The following GSN variants were observed in gnomAD, a reference collection of about 807,000 sequenced individuals.
The protein encoded by GSN is gelsolin, also known as actin-depolymerizing factor.
A neutral mutation model predicts 85.7 loss-of-function variants in GSN; 56 were observed. The ratio of observed to expected loss-of-function variants is 0.65; its 90% CI spans 0.53 to 0.82. GSN has a LOEUF of 0.82. GSN is among the 40% of genes least tolerant of loss of function. The probability of loss-of-function intolerance (pLI) is 0.00; values close to 1 mark genes in which losing one functional copy is unlikely to be tolerated. For missense variants in GSN, 857 were observed against 979.8 expected (o/e 0.87, Z 1.67); for synonymous variants, 373 against 399.1 (o/e 0.93, Z 0.78).
chr9:121,318,287 A>G lies in GSN; in HGVS notation c.887-119A>G. 2.3e-6 allele frequency: 2 copies of G among 861,468 alleles called. No homozygotes were observed. The highest frequency in any genetic ancestry group is 4.0e-6 in the Non-Finnish European group (2 of 500,224). 53.4% of individuals were successfully genotyped at this position (861,468 alleles called of 1,614,324 possible). Reference sequence around the variant, plus strand: ...TGGGGGTCTCTGGCCTTGGCTGTCCACAGTCTAAGAAGAGTAGGGAGGGAA... The same window carrying G: ...TGGGGGTCTCTGGCCTTGGCTGTCCGCAGTCTAAGAAGAGTAGGGAGGGAA... On this transcript the variant is annotated intron_variant, in intron 8 of 17. Coordinates refer to ENST00000432226, the MANE Select transcript of GSN (RefSeq NM_198252.3). This position sits in a 1 kb window ranked among gnomAD's most constrained non-coding sequence, Gnocchi z 4.3.
intron 1 of GSN, among the ~76,000 whole-genome samples, chr9:121,272,438 C>T (rs937967747): frequency 5.3e-5 from 8 of 151,918 alleles, no homozygotes; most frequent in African/African-American, 1.9e-4. Context: ...AGCATAATGT[C>T]AGCCTTCCCA....
At position 121,228,845 on chromosome 9, in the gene GSN, G is replaced by A. The variant is rs573793727; in HGVS notation, c.-527-2320G>A. Among the ~76,000 whole-genome samples the A allele has an allele frequency of 3.4e-4, 52 of 152,230 alleles. No individual in the cohort carries two copies. The South Asian group carries it at 8.9e-3, about 26-fold the overall frequency. On this transcript the variant is annotated intron_variant, in intron 4 of 24. Transcript: ENST00000373823. ...TTTTTAAATCTCTGTGTGCATGTATGTACACACAGACACACATGCACACAT... is the reference window on the plus strand; with the variant it reads ...TTTTTAAATCTCTGTGTGCATGTATATACACACAGACACACATGCACACAT...
chr9:121,305,356 T>C (rs149458475), intron 4 of GSN, among the ~76,000 whole-genome samples: 1 of 152,338 alleles, frequency 6.6e-6, no homozygotes, highest in East Asian at 1.9e-4. Context: ...ATTGAACACT[T>C]ATCTATTACT....
intron 2 of GSN, among the ~76,000 whole-genome samples, chr9:121,292,402 A>C (rs890282252): frequency 6.6e-6 from 1 of 152,210 alleles, no homozygotes; most frequent in Non-Finnish European, 1.5e-5. Context: ...GTATGCAAAG[A>C]CACAGAGGTA....
At chr9:121,211,817 C>T (rs1008398153) in intron 4 of GSN, among the ~76,000 whole-genome samples, 4 of 152,046 alleles carry the variant, frequency 2.6e-5, no homozygotes, top group African/African-American at 9.7e-5. Flanking sequence ...ACCTCCCCAC[C>T]AAAAGAAAAA....
chr9:121,296,740 G>T (rs1442249502), intron 2 of GSN, among the ~76,000 whole-genome samples: 2 of 152,124 alleles, frequency 1.3e-5, no homozygotes, highest in East Asian at 3.9e-4. Flanking sequence ...CTTCTTCCAG[G>T]CTGGAAGCAG....
intron 4 of GSN, among the ~76,000 whole-genome samples, chr9:121,306,903 G>A (rs775671602): frequency 2.0e-5 from 3 of 152,202 alleles, no homozygotes; most frequent in South Asian, 2.1e-4. Context: ...TTATAAGGCC[G>A]GGTGCGGTGG....
intron 1 of GSN, among the ~76,000 whole-genome samples, chr9:121,270,542 C>G (rs905835205): frequency 6.6e-6 from 1 of 152,228 alleles, no homozygotes; most frequent in Non-Finnish European, 1.5e-5. Context: ...AAGCAGACAA[C>G]AGGCTAGACC....
chr9:121,219,539 G>C (rs1173673201), intron 4 of GSN, among the ~76,000 whole-genome samples: 1 of 152,152 alleles, frequency 6.6e-6, no homozygotes. Context: ...CAGAAGCTAG[G>C]GGCTGAGAAG....
intron 17 of GSN, 28 bp downstream of exon 17, chr9:121,331,476 G>A: frequency 2.2e-6 from 3 of 1,382,348 alleles, no homozygotes; most frequent in Non-Finnish European, 3.1e-6. Flanking sequence ...TGGGGGCGGG[G>A]GGAGGGGTCC....
At chr9:121,313,839 A>T in intron 6 of GSN, 95 bp from the exon 7 acceptor site, 2 of 944,366 alleles carry the variant, frequency 2.1e-6, no homozygotes, top group Admixed American at 1.7e-5. Flanking sequence ...GTCACAGTGG[A>T]TGTCCTTGTG....
intron 5 of GSN, chr9:121,239,410 C>T: frequency 2.3e-6 from 1 of 427,202 alleles, no homozygotes; most frequent in Non-Finnish European, 4.6e-6. Context: ...TTTGAAGAAC[C>T]AGGCAGTTTC....
At chr9:121,255,980 T>C (rs2054949243) in intron 6 of GSN, among the ~76,000 whole-genome samples, 1 of 152,138 alleles carries the variant, frequency 6.6e-6, no homozygotes, top group Non-Finnish European at 1.5e-5. Flanking sequence ...AAAATCCTTC[T>C]GGGGTCATGA....
At chr9:121,269,704 C>T (rs1463683917) in intron 1 of GSN, among the ~76,000 whole-genome samples, 1 of 152,134 alleles carries the variant, frequency 6.6e-6, no homozygotes, top group Non-Finnish European at 1.5e-5. Context: ...GGTTGGCACT[C>T]GGTGAGTTAC....
intron 6 of GSN, among the ~76,000 whole-genome samples, chr9:121,257,450 T>C (rs527569428): frequency 6.6e-6 from 1 of 152,320 alleles, no homozygotes; most frequent in African/African-American, 2.4e-5. Flanking sequence ...AGAGCCAGGC[T>C]TCCACGAAGG....
chr9:121,210,780 A>G (rs956538043), intron 3 of GSN: 1 of 152,248 alleles, frequency 6.6e-6, no homozygotes, highest in African/African-American at 2.4e-5. Flanking sequence ...TTCTCTGCCC[A>G]CAGGAATGAC....
At chr9:121,255,378 G>A (rs1168455020) in intron 6 of GSN, among the ~76,000 whole-genome samples, 2 of 152,174 alleles carry the variant, frequency 1.3e-5, no homozygotes, top group African/African-American at 2.4e-5. Flanking sequence ...TCTGGGAGTA[G>A]GCGTGCGCCA....
rs121909715 is a variant in GSN at position 121,310,819 on chromosome 9, G to A, written c.487G>A (p.Asp163Asn). Residue 163 changes from aspartate (D) to asparagine (N), a missense_variant, in exon 5 of 18, where the codon GAC becomes AAC. Coordinates refer to ENST00000432226, the MANE Select transcript of GSN (RefSeq NM_198252.3). ...GTCCTGGGAGAGCTTCAACAATGGC[G>A]ACTGCTTCATCCTGGACCTGGGCAA... ...PVSWESFNNGDCFILDLGNNI... is the reference protein window; with the variant it reads ...PVSWESFNNGNCFILDLGNNI... 5.0e-6 allele frequency: 8 copies of A among 1,613,988 alleles called. No individual in the cohort carries two copies. The highest frequency in any genetic ancestry group is 3.4e-6 in the Non-Finnish European group (4 of 1,180,034).
chr9:121,318,324 C>T lies in GSN; in HGVS notation c.887-82C>T. On this transcript the variant is annotated intron_variant, in intron 8 of 17. Coordinates refer to ENST00000432226, the MANE Select transcript of GSN (RefSeq NM_198252.3). The surrounding 1 kb of genome is among the most constrained non-coding windows in gnomAD (Gnocchi z 4.3). The stretch of plus-strand genomic sequence containing the variant: ...GAGTAGGGAGGGAAGTTTGGCAGCT[C>T]CTTCTCCTGGACTGTTAAAGGTCAG... The T allele has an allele frequency of 1.3e-5, 15 of 1,141,688 alleles. No homozygotes were observed. In the South Asian group the frequency reaches 1.8e-4, roughly 14 times the overall value. 70.7% of individuals were successfully genotyped at this position (1,141,688 alleles called of 1,614,324 possible). A position where few individuals can be genotyped will look rare whatever the true frequency, so the allele number is the denominator to read the frequency against.
Sources: gnomAD v4.1 joint callset for allele counts (sites outside exome capture counted in the v4.1 genomes callset) on GRCh38, gnomAD v4.1.1 for gene constraint, Gnocchi (gnomAD v3.1) non-coding constraint, MANE v1.5 for transcripts, NCBI Gene and HGNC (gene_info 2026-07-23, HGNC 2026-07-21) for gene names.